PTPRS: variants seen among roughly 807,000 people sequenced by gnomAD.
The protein encoded by PTPRS is protein tyrosine phosphatase receptor type S.
Under a neutral mutation model 215.3 loss-of-function variants are expected in PTPRS, and 63 were observed. That is an observed-to-expected ratio of 0.29 (90% CI 0.24 to 0.36). PTPRS has a LOEUF of 0.36. Among genes scored for constraint, PTPRS ranks in the 10% least tolerant of loss-of-function variants. The pLI is 1.00. For missense variants in PTPRS, 2,258 were observed against 2,825.8 expected, an observed-to-expected ratio of 0.80 and a Z score of 4.56; for synonymous variants, 1,404 against 1,191.4, an observed-to-expected ratio of 1.18 and a Z score of -3.68.
At chr19:5,260,955 C>A in intron 6 of PTPRS, 133 bp from the exon 7 acceptor site, 1 of 1,076,234 alleles carries the variant, frequency 9.3e-7, no homozygotes, top group Non-Finnish European at 1.4e-6. Context: ...TCGAGCCAGC[C>A]CTGGGCATAC....
intron 9 of PTPRS, among the ~76,000 whole-genome samples, chr19:5,255,708 A>G (rs912652444): frequency 1.3e-5 from 2 of 152,238 alleles, no homozygotes; most frequent in Non-Finnish European, 2.9e-5. Context: ...CAAGAGAGGC[A>G]TGCAGAGAAA....
At chr19:5,216,687 G>A (rs776778812) in intron 26 of PTPRS, 33 bp downstream of exon 26, 327 of 1,507,428 alleles carry the variant, frequency 2.2e-4, no homozygotes, top group African/African-American at 1.5e-3. Context: ...GGGCGGGGGC[G>A]AAAGGAAGCC....
intron 13 of PTPRS, among the ~76,000 whole-genome samples, chr19:5,233,394 G>A (rs960691155): frequency 6.0e-5 from 9 of 151,226 alleles, no homozygotes; most frequent in Non-Finnish European, 1.2e-4. Context: ...CCATGCCAAA[G>A]GGAACAGCAA....
chr19:5,264,174 T>C (rs77386943), intron 5 of PTPRS, among the ~76,000 whole-genome samples: 13 of 35,360 alleles, frequency 3.7e-4, no homozygotes, highest in Non-Finnish European at 1.0e-3. Flanking sequence ...CACCTCTTAC[T>C]GCTCAGCCTT....
chr19:5,299,599 T>G (rs1315012061), intron 1 of PTPRS, among the ~76,000 whole-genome samples: 1 of 152,162 alleles, frequency 6.6e-6, no homozygotes. Context: ...TGGCTGGGTG[T>G]GGTGGCTCAC....
chr19:5,272,595 CAAAAAAAAAAAA>C (rs10527451), intron 4 of PTPRS, among the ~76,000 whole-genome samples: 34 of 73,418 alleles, frequency 4.6e-4, no homozygotes, highest in Admixed American at 1.4e-3. Context: ...AAGACTGTCT[CAAAAAAAAAAAA>C]AAAAAAAAAA....
At position 5,222,710 on chromosome 19, in the gene PTPRS, G is replaced by A. The variant is rs769764410; in HGVS notation, c.3082C>T (p.Arg1028Trp). The part of the protein sequence containing the change: ...PGPFSPPVRY[R>W]TFLRDQVSPK... ...CTACCTTGGTCCCGCAGGAACGTCC[G>A]GTAGCGGACGGGGGGGCTGAAGGGG... The change falls in exon 18 of 38, where the codon CGG becomes TGG. Residue 1028 changes from arginine to tryptophan, a missense_variant. Physicochemically the swap from Arg to Trp is moderately radical, Grantham distance 101. This residue lies in a region of PTPRS where 361 missense variants were observed against 332.6 expected (regional missense o/e 1.09). Transcript: ENST00000262963. 9.4e-6 allele frequency: 15 copies of A among 1,592,630 alleles called. No individual in the cohort carries two copies. Among genetic ancestry groups the A allele is most frequent in the Middle Eastern group, 3.3e-4 (2 of 5,982 alleles).
chr19:5,328,067 A>G (rs1399070945), intron 1 of PTPRS, among the ~76,000 whole-genome samples: 4 of 152,100 alleles, frequency 2.6e-5, no homozygotes, highest in East Asian at 1.9e-4. Context: ...CTTGAAGCCA[A>G]TTACTCAGAG....
chr19:5,212,556 C>A, intron 30 of PTPRS, 65 bp from the exon 31 acceptor site: 1 of 1,519,946 alleles, frequency 6.6e-7, no homozygotes. Flanking sequence ...CTGAAGATGC[C>A]CAAGTGGCCG....
At position 5,212,070 on chromosome 19, in the gene PTPRS, G is replaced by A. The variant is rs761648881; in HGVS notation, c.4950C>T (p.Gly1650=). Residue 1650 remains glycine (G), a synonymous_variant, in exon 32 of 38, where the codon GGC becomes GGT. Coordinates refer to ENST00000262963, the MANE Select transcript of PTPRS (RefSeq NM_002850.4). ...GTGCGGGCACTTCTGTGTTGCCACAGCCCACGGCCTCCAGCAGGGCCTCGT... is the reference window on the plus strand; with the variant it reads ...GTGCGGGCACTTCTGTGTTGCCACAACCCACGGCCTCCAGCAGGGCCTCGT... ...FIHEALLEAV[G]CGNTEVPARS... 6.2e-7 allele frequency: 1 copy of A among 1,614,048 alleles called. No individual in the cohort carries two copies. Among genetic ancestry groups the A allele is most frequent in the Admixed American group, 1.7e-5 (1 of 60,032 alleles).
chr19:5,299,068 G>A (rs2049226220), intron 1 of PTPRS, among the ~76,000 whole-genome samples: 2 of 152,096 alleles, frequency 1.3e-5, no homozygotes, highest in Non-Finnish European at 2.9e-5. Context: ...CTCTGCCCTG[G>A]TCCCCAGCCT....
intron 13 of PTPRS, among the ~76,000 whole-genome samples, chr19:5,238,057 G>A (rs904585592): frequency 6.6e-6 from 1 of 152,214 alleles, no homozygotes; most frequent in African/African-American, 2.4e-5. Context: ...CTGGGTGAAG[G>A]GAGGGAAGAG....
chr19:5,218,514 T>G lies in PTPRS; in HGVS notation c.3954A>C (p.Glu1318Asp), dbSNP rs766184946. ...NKPDSKRKDS[E>D]PRTKCLLNNA... is the part of the protein sequence containing the mutation. ...TGTTCAGGAGGCATTTGGTGCGGGG[T>G]TCTGAGTCCTTGCGTTTACTTTAGG... The change falls in exon 25 of 38, where the codon GAA becomes GAC. Residue 1318 changes from glutamate to aspartate, a missense_variant. This residue lies in a region of PTPRS where 927 missense variants were observed against 1,125.9 expected (regional missense o/e 0.82). Coordinates refer to ENST00000262963, the MANE Select transcript of PTPRS (RefSeq NM_002850.4). 6.2e-7 allele frequency: 1 copy of G among 1,613,996 alleles called. No homozygotes were observed. Among genetic ancestry groups the G allele is most frequent in the Admixed American group, 1.7e-5 (1 of 60,002 alleles).
At chr19:5,305,761 A>ATT (rs200693520) in intron 1 of PTPRS, among the ~76,000 whole-genome samples, 8 of 116,994 alleles carry the variant, frequency 6.8e-5, no homozygotes, top group East Asian at 4.4e-4. Context: ...ATATATATAT[A>ATT]TATATTTTTT....
At chr19:5,323,920 G>A (rs2050099649) in intron 1 of PTPRS, among the ~76,000 whole-genome samples, 1 of 152,274 alleles carries the variant, frequency 6.6e-6, no homozygotes, top group East Asian at 1.9e-4. Context: ...GGTGGAGGCA[G>A]AGGATAGAAC....
At chr19:5,325,835 C>A (rs2050152728) in intron 1 of PTPRS, among the ~76,000 whole-genome samples, 1 of 152,248 alleles carries the variant, frequency 6.6e-6, no homozygotes, top group Non-Finnish European at 1.5e-5. Flanking sequence ...TCTCCCCAGG[C>A]CATGGGGAAG....
intron 9 of PTPRS, among the ~76,000 whole-genome samples, chr19:5,247,605 G>A (rs2044615455): frequency 6.6e-6 from 1 of 152,164 alleles, no homozygotes; most frequent in Non-Finnish European, 1.5e-5. Flanking sequence ...CTGCACAGAT[G>A]ACGGACTGGA....
At chr19:5,302,538 G>A (rs1314919423) in intron 1 of PTPRS, among the ~76,000 whole-genome samples, 1 of 152,170 alleles carries the variant, frequency 6.6e-6, no homozygotes, top group Non-Finnish European at 1.5e-5. Flanking sequence ...TCCCATGGTC[G>A]CTGGATACTG....
chr19:5,328,169 T>A (rs2050220780), intron 1 of PTPRS, among the ~76,000 whole-genome samples: 1 of 152,022 alleles, frequency 6.6e-6, no homozygotes, highest in Non-Finnish European at 1.5e-5. Flanking sequence ...CAGGCTGGAG[T>A]GCAATGGCAC....
Sources: allele counts gnomAD v4.1 joint callset (sites outside exome capture counted in the v4.1 genomes callset), GRCh38; gene constraint gnomAD v4.1.1; regional missense constraint gnomAD v4.1.1; transcripts MANE v1.5; gene names NCBI Gene and HGNC (gene_info 2026-07-23, HGNC 2026-07-21).